Variants in GRIA4 observed in about 807,000 individuals in gnomAD.
The protein encoded by GRIA4 is glutamate receptor 4.
A neutral mutation model predicts 104.0 loss-of-function variants in GRIA4; 34 were observed. That is an observed-to-expected ratio of 0.33 (90% CI 0.25 to 0.44). GRIA4 has a LOEUF of 0.44. Among genes scored for constraint, GRIA4 ranks in the 20% least tolerant of loss-of-function variants. GRIA4 has a pLI of 1.00. For missense variants in GRIA4, 750 were observed against 1,096.5 expected, an observed-to-expected ratio of 0.68 and a Z score of 4.46; for synonymous variants, 386 against 381.9, an observed-to-expected ratio of 1.01 and a Z score of -0.13.
In GRIA4 at chr11:105,889,499, A is replaced by C. The variant is rs534802754; in HGVS notation, c.726+1927A>C. Among the ~76,000 whole-genome samples the C allele has an allele frequency of 2.0e-5, 3 of 152,114 alleles. No homozygotes were observed. In the South Asian group the frequency reaches 6.3e-4, roughly 32 times the overall value. ...TACTTATAACACTAGAGTAGTTTTT[A>C]TTTTATTGAGCCAATCAACAACTAT... On this transcript the variant is annotated intron_variant, in intron 6 of 16. Coordinates refer to ENST00000282499, the MANE Select transcript of GRIA4 (RefSeq NM_000829.4).
intron 4 of GRIA4, among the ~76,000 whole-genome samples, chr11:105,837,937 C>T (rs79036096): frequency 1.5e-3 from 223 of 152,116 alleles, no homozygotes; most frequent in Non-Finnish European, 2.7e-3. Flanking sequence ...CCTAATGGGA[C>T]GAAAGAGATA....
chr11:105,669,484 T>G (rs1158406183), intron 3 of GRIA4, among the ~76,000 whole-genome samples: 2 of 152,140 alleles, frequency 1.3e-5, no homozygotes, highest in African/African-American at 4.8e-5. Flanking sequence ...CATGCTAATC[T>G]TCCTGATTTG....
intron 15 of GRIA4, among the ~76,000 whole-genome samples, chr11:105,972,427 G>T (rs1265266486): frequency 1.3e-5 from 2 of 151,922 alleles, no homozygotes; most frequent in African/African-American, 4.8e-5. Context: ...ACCAGAAAAA[G>T]GAGATTCTAA....
chr11:105,822,995 T>TTTA (rs200904757), intron 4 of GRIA4, among the ~76,000 whole-genome samples: 162 of 152,272 alleles, frequency 1.1e-3, no homozygotes, highest in African/African-American at 3.5e-3. Flanking sequence ...TCAGTATGTA[T>TTTA]TTATAGCCTC....
At position 105,771,314 on chromosome 11, in the gene GRIA4, G is replaced by A. The variant is rs997969685; in HGVS notation, c.487+18094G>A. On this transcript the variant is annotated intron_variant, in intron 4 of 16. Coordinates refer to ENST00000282499, the MANE Select transcript of GRIA4 (RefSeq NM_000829.4). ...ATTTTTTGAAACATTATGCTCCTAT[G>A]ATTATGTTCAATATTTCATGTTTTC... Among the ~76,000 whole-genome samples the A allele has an allele frequency of 1.1e-4, 17 of 151,982 alleles. 1 individual carries two copies. The highest frequency in any genetic ancestry group is 2.7e-4 in the African/African-American group (11 of 41,382).
At chr11:105,721,122 T>C (rs1235354464) in intron 3 of GRIA4, among the ~76,000 whole-genome samples, 1 of 152,186 alleles carries the variant, frequency 6.6e-6, no homozygotes, top group Non-Finnish European at 1.5e-5. Context: ...ACACCATGAT[T>C]TGGGCCCTAT....
At chr11:105,978,426 T>C (rs926276889) in intron 16 of GRIA4, among the ~76,000 whole-genome samples, 3 of 152,064 alleles carry the variant, frequency 2.0e-5, no homozygotes, top group Non-Finnish European at 4.4e-5. Flanking sequence ...AACTGTGAGA[T>C]TGACCTTGAT....
intron 14 of GRIA4, chr11:105,966,174 C>G (rs938887351): frequency 8.6e-6 from 6 of 696,332 alleles, no homozygotes; most frequent in Admixed American, 2.8e-5. Context: ...TAGTCCAGTC[C>G]CTTCGCAAAC....
intron 11 of GRIA4, among the ~76,000 whole-genome samples, chr11:105,919,910 A>C (rs942290295): frequency 3.9e-5 from 6 of 152,178 alleles, no homozygotes; most frequent in African/African-American, 1.4e-4. Context: ...AATTACACAG[A>C]CAGTCATCTT....
chr11:105,663,005 T>C (rs1293228994), intron 3 of GRIA4, among the ~76,000 whole-genome samples: 1 of 151,844 alleles, frequency 6.6e-6, no homozygotes, highest in African/African-American at 2.4e-5. Flanking sequence ...ATGGGAACAG[T>C]CTTGCCAAAA....
intron 3 of GRIA4, among the ~76,000 whole-genome samples, chr11:105,682,406 T>C (rs1382635847): frequency 1.3e-5 from 2 of 152,152 alleles, no homozygotes; most frequent in East Asian, 1.9e-4. Context: ...TTGTAGATCA[T>C]TGCTGTACTC....
chr11:105,680,096 G>A (rs977083646), intron 3 of GRIA4, among the ~76,000 whole-genome samples: 3 of 152,090 alleles, frequency 2.0e-5, no homozygotes, highest in African/African-American at 7.2e-5. Context: ...CTAGAAGCAT[G>A]AGGATTCCAA....
At chr11:105,895,601 T>C (rs1946623050) in intron 6 of GRIA4, among the ~76,000 whole-genome samples, 1 of 149,774 alleles carries the variant, frequency 6.7e-6, no homozygotes, top group Non-Finnish European at 1.5e-5. Flanking sequence ...ACAATAGATA[T>C]GATACATGAG....
chr11:105,625,307 T>C (rs1332416178), intron 3 of GRIA4, among the ~76,000 whole-genome samples: 1 of 152,064 alleles, frequency 6.6e-6, no homozygotes, highest in Non-Finnish European at 1.5e-5. Flanking sequence ...TTGGAGGAAG[T>C]AGGGGAGAAA....
intron 4 of GRIA4, among the ~76,000 whole-genome samples, chr11:105,816,219 T>C (rs1224218034): frequency 6.6e-6 from 1 of 152,146 alleles, no homozygotes; most frequent in African/African-American, 2.4e-5. Flanking sequence ...TATTTAAAAA[T>C]AGTATTAATA....
Position 105,717,714 on chromosome 11 carries a change from T to A in GRIA4, c.248-35267T>A, listed in dbSNP as rs187365915. The stretch of plus-strand genomic sequence containing the variant: ...TTGTTCTCTCTTTTTTCTTTTTTTT[T>A]ATTTATTATTATTATACTTTAAGTT... On this transcript the variant is annotated intron_variant, in intron 3 of 16. Coordinates refer to ENST00000282499, the MANE Select transcript of GRIA4 (RefSeq NM_000829.4). 8.4e-3 allele frequency among the ~76,000 whole-genome samples: 1,282 copies of A among 152,028 alleles called. 18 individuals are homozygous for A. Among genetic ancestry groups the A allele is most frequent in the East Asian group, 0.057 (293 of 5,162 alleles).
At chr11:105,877,197 G>A (rs1400057649) in intron 5 of GRIA4, among the ~76,000 whole-genome samples, 2 of 152,092 alleles carry the variant, frequency 1.3e-5, no homozygotes, top group Non-Finnish European at 2.9e-5. Context: ...GAAATTCTGG[G>A]TTAAAAAATC....
At chr11:105,968,084 T>C (rs1394145285) in intron 14 of GRIA4, among the ~76,000 whole-genome samples, 1 of 152,050 alleles carries the variant, frequency 6.6e-6, no homozygotes, top group African/African-American at 2.4e-5. Context: ...GAAGGGAAAA[T>C]ACAGAGAGAA....
intron 3 of GRIA4, among the ~76,000 whole-genome samples, chr11:105,730,702 G>T (rs188731156): frequency 1.3e-5 from 2 of 151,944 alleles, no homozygotes; most frequent in Non-Finnish European, 2.9e-5. Flanking sequence ...GGAACAGAAC[G>T]GAGTCCTCAG....
Sources: allele counts gnomAD v4.1 joint callset (sites outside exome capture counted in the v4.1 genomes callset), GRCh38; gene constraint gnomAD v4.1.1; transcripts MANE v1.5; gene names NCBI Gene and HGNC (gene_info 2026-07-23, HGNC 2026-07-21).